The following LINC00305 variants were observed in gnomAD, a reference collection of about 807,000 sequenced individuals.
LINC00305 encodes long independently transcribed non-coding RNA 305.
intron 1 of LINC00305, among the ~76,000 whole-genome samples, chr18:64,144,834 T>C (rs1224177539): frequency 2.0e-5 from 3 of 152,206 alleles, no homozygotes; most frequent in Non-Finnish European, 4.4e-5. Context: ...AGAGGGCCTA[T>C]GAATGGACGT....
chr18:64,144,516 A>ATT (rs113376807), intron 1 of LINC00305, among the ~76,000 whole-genome samples: 4 of 151,380 alleles, frequency 2.6e-5, no homozygotes, highest in Admixed American at 1.3e-4. Context: ...TTAATGATTA[A>ATT]TTTTTTTTTG....
intron 1 of LINC00305, among the ~76,000 whole-genome samples, chr18:64,104,848 G>A (rs1042140262): frequency 6.6e-6 from 1 of 151,764 alleles, no homozygotes; most frequent in Non-Finnish European, 1.5e-5. Context: ...AGGAAATCTG[G>A]CCCAGGCTGC....
At chr18:64,131,950 G>A (rs1258876377) in intron 1 of LINC00305, among the ~76,000 whole-genome samples, 1 of 152,164 alleles carries the variant, frequency 6.6e-6, no homozygotes, top group Non-Finnish European at 1.5e-5. Context: ...ATTGAAAAAA[G>A]TCTCTAATTT....
intron 1 of LINC00305, among the ~76,000 whole-genome samples, chr18:64,122,520 G>T (rs1673906384): frequency 6.6e-6 from 1 of 151,906 alleles, no homozygotes; most frequent in Admixed American, 6.6e-5. Context: ...TTCCTGGGAT[G>T]TTTATTTTGT....
At chr18:64,130,524 A>T (rs1360776334) in intron 1 of LINC00305, among the ~76,000 whole-genome samples, 1 of 152,196 alleles carries the variant, frequency 6.6e-6, no homozygotes, top group Non-Finnish European at 1.5e-5. Context: ...ACATAGCAAA[A>T]GAAAACATTT....
At chr18:64,143,880 A>T (rs2051484449) in intron 1 of LINC00305, among the ~76,000 whole-genome samples, 1 of 152,096 alleles carries the variant, frequency 6.6e-6, no homozygotes, top group East Asian at 1.9e-4. Context: ...ATATGTATAC[A>T]TGTATATATA....
At chr18:64,133,040 G>A (rs1431637540) in intron 1 of LINC00305, among the ~76,000 whole-genome samples, 4 of 152,168 alleles carry the variant, frequency 2.6e-5, no homozygotes, top group African/African-American at 9.7e-5. Flanking sequence ...CAGAAGCTCA[G>A]CCAGAAGAGC....
intron 1 of LINC00305, among the ~76,000 whole-genome samples, chr18:64,118,386 C>G (rs778407455): frequency 6.6e-6 from 1 of 152,164 alleles, no homozygotes; most frequent in African/African-American, 2.4e-5. Context: ...TTTATAATAA[C>G]GTTGTGTCTA....
chr18:64,083,724 A>G (rs2051193233), intron 3 of LINC00305, among the ~76,000 whole-genome samples: 1 of 152,176 alleles, frequency 6.6e-6, no homozygotes, highest in Non-Finnish European at 1.5e-5. Flanking sequence ...CCTAATTTTT[A>G]GCACCTCTTA....
intron 1 of LINC00305, among the ~76,000 whole-genome samples, chr18:64,113,207 A>G (rs1201195361): frequency 6.6e-6 from 1 of 152,266 alleles, no homozygotes; most frequent in Admixed American, 6.5e-5. Context: ...CGAGGGAACT[A>G]CATTTCACTC....
At chr18:64,107,967 G>T (rs1463820105) in intron 1 of LINC00305, among the ~76,000 whole-genome samples, 1 of 152,194 alleles carries the variant, frequency 6.6e-6, no homozygotes, top group African/African-American at 2.4e-5. Context: ...TGGAGAGAAT[G>T]AGCACAAGCA....
intron 1 of LINC00305, among the ~76,000 whole-genome samples, chr18:64,100,069 G>A (rs1282643095): frequency 6.6e-6 from 1 of 152,054 alleles, no homozygotes; most frequent in African/African-American, 2.4e-5. Context: ...TTTAAAGAAA[G>A]ACTTAATATC....
intron 1 of LINC00305, among the ~76,000 whole-genome samples, chr18:64,130,563 G>A (rs1042256780): frequency 2.0e-5 from 3 of 151,962 alleles, no homozygotes; most frequent in African/African-American, 7.3e-5. Context: ...CTTACCTTAT[G>A]CATTAAAAGA....
intron 1 of LINC00305, among the ~76,000 whole-genome samples, chr18:64,118,503 A>G (rs1386996863): frequency 1.3e-5 from 2 of 152,072 alleles, no homozygotes; most frequent in Non-Finnish European, 2.9e-5. Context: ...ACTTTTTTGT[A>G]TGAGTGCTGA....
intron 1 of LINC00305, among the ~76,000 whole-genome samples, chr18:64,135,344 TTA>T (rs1186355823): frequency 6.6e-6 from 1 of 152,148 alleles, no homozygotes; most frequent in Non-Finnish European, 1.5e-5. Context: ...TGGGCACAGT[TTA>T]ACCCATAATG....
chr18:64,126,475 G>A (rs768806317), intron 1 of LINC00305, among the ~76,000 whole-genome samples: 4 of 151,560 alleles, frequency 2.6e-5, no homozygotes, highest in Non-Finnish European at 2.9e-5. Flanking sequence ...GCCCCTTCTC[G>A]GCCATTCGGT....
intron 1 of LINC00305, among the ~76,000 whole-genome samples, chr18:64,148,300 C>T (rs932701049): frequency 2.0e-5 from 3 of 152,078 alleles, no homozygotes; most frequent in Non-Finnish European, 4.4e-5. Flanking sequence ...ATTTCTTCCT[C>T]TGGGGTGCAA....
intron 1 of LINC00305, among the ~76,000 whole-genome samples, chr18:64,111,630 C>T (rs1013856441): frequency 8.5e-6 from 1 of 117,276 alleles, no homozygotes; most frequent in South Asian, 2.3e-4. Context: ...ACCTCTAGCC[C>T]TGTTACCGTG....
chr18:64,128,752 C>T (rs917116692), intron 1 of LINC00305, among the ~76,000 whole-genome samples: 1 of 152,050 alleles, frequency 6.6e-6, no homozygotes, highest in Non-Finnish European at 1.5e-5. Context: ...CTGCATTCAG[C>T]CTCCTAAGTA....
Sources: gnomAD v4.1 joint callset for allele counts (sites outside exome capture counted in the v4.1 genomes callset) on GRCh38, gnomAD v4.1.1 for gene constraint, MANE v1.5 for transcripts, NCBI Gene and HGNC (gene_info 2026-07-23, HGNC 2026-07-21) for gene names.